The following HECW1 variants were observed in gnomAD, a reference collection of about 807,000 sequenced individuals.
HECW1 encodes E3 ubiquitin-protein ligase HECW1.
A neutral mutation model predicts 182.3 loss-of-function variants in HECW1; 61 were observed. That is an observed-to-expected ratio of 0.33 (90% CI 0.27 to 0.41). The LOEUF (loss-of-function observed/expected upper bound fraction) is 0.41, where lower values mean the gene tolerates loss of function less well. HECW1 is among the 10% of genes least tolerant of loss of function. The pLI is 1.00. For missense variants in HECW1, 1,739 were observed against 2,108.9 expected (o/e 0.82, Z 3.44); for synonymous variants, 859 against 832.6 (o/e 1.03, Z -0.55).
chr7:43,367,278 G>A (rs747757816), intron 6 of HECW1, among the ~76,000 whole-genome samples: 44 of 152,252 alleles, frequency 2.9e-4, no homozygotes, highest in Non-Finnish European at 6.0e-4. Context: ...ATTACATCCA[G>A]AATTTATTTT....
chr7:43,375,983 T>C (rs1221543982), intron 6 of HECW1, among the ~76,000 whole-genome samples: 1 of 150,200 alleles, frequency 6.7e-6, no homozygotes, highest in Admixed American at 6.7e-5. Flanking sequence ...GTATAATTAC[T>C]GGTTGAGGTG....
At chr7:43,183,285 C>T (rs1459966890) in intron 2 of HECW1, among the ~76,000 whole-genome samples, 1 of 152,176 alleles carries the variant, frequency 6.6e-6, no homozygotes, top group Non-Finnish European at 1.5e-5. Context: ...GTCTCACTTC[C>T]CTGTCGACCT....
chr7:43,541,280 A>G lies in HECW1; in HGVS notation c.4118+19A>G. On this transcript the variant is annotated intron_variant, in intron 25 of 29. Coordinates refer to ENST00000395891, the MANE Select transcript of HECW1 (RefSeq NM_015052.5). ...TGAGACTGTAAGTGCTTTGCAGACC[A>G]TGCTTCCAACCCAGCCCTGTCTGCA... The G allele has an allele frequency of 6.3e-7, 1 of 1,586,710 alleles. No individual in the cohort carries two copies. Among genetic ancestry groups the G allele is most frequent in the Non-Finnish European group, 8.7e-7 (1 of 1,155,050 alleles).
At position 43,432,832 on chromosome 7, in the gene HECW1, A is replaced by C. The variant is rs190730969; in HGVS notation, c.802-5171A>C. Among the ~76,000 whole-genome samples, 24 of 152,356 alleles carry C rather than the reference A, an allele frequency of 1.6e-4. No individual in the cohort carries two copies. Among genetic ancestry groups the C allele is most frequent in the Admixed American group, 1.4e-3 (21 of 15,306 alleles). On this transcript the variant is annotated intron_variant, in intron 8 of 29. Coordinates refer to ENST00000395891, the MANE Select transcript of HECW1 (RefSeq NM_015052.5). This position sits in a 1 kb window ranked among gnomAD's most constrained non-coding sequence, Gnocchi z 4.1. ...ACCCTGTTTTAATTTCATTAAGTTC[A>C]ATTTATAAAAGTTCTGTTTAGAGGC...
chr7:43,269,293 A>G (rs1220172066), intron 3 of HECW1, among the ~76,000 whole-genome samples: 5 of 152,188 alleles, frequency 3.3e-5, no homozygotes, highest in Non-Finnish European at 4.4e-5. Context: ...CCATGCTCCT[A>G]TTGGCCACAG....
intron 26 of HECW1, among the ~76,000 whole-genome samples, chr7:43,548,292 G>A (rs1216390401): frequency 1.3e-5 from 2 of 151,534 alleles, no homozygotes; most frequent in African/African-American, 4.9e-5. Flanking sequence ...TAGGTATGCA[G>A]GTCATCTGCG....
At chr7:43,427,556 C>T (rs1262447450) in intron 8 of HECW1, among the ~76,000 whole-genome samples, 5 of 152,178 alleles carry the variant, frequency 3.3e-5, no homozygotes, top group Admixed American at 2.0e-4. Flanking sequence ...TAGACTACTG[C>T]GTTAGGTTTC....
chr7:43,432,880 A>T lies in HECW1; in HGVS notation c.802-5123A>T, dbSNP rs1286520985. On this transcript the variant is annotated intron_variant, in intron 8 of 29. Coordinates refer to ENST00000395891, the MANE Select transcript of HECW1 (RefSeq NM_015052.5). The surrounding 1 kb of genome is among the most constrained non-coding windows in gnomAD (Gnocchi z 4.1). ...GGCGATCTACCTCAGATCTTTTCTG[A>T]AGCAAGATGGAATATAATAAGCATC... is the stretch of plus-strand genomic sequence containing the variant. 6.6e-6 allele frequency among the ~76,000 whole-genome samples: 1 copy of T among 152,218 alleles called. No individual in the cohort carries two copies. The highest frequency in any genetic ancestry group is 6.5e-5 in the Admixed American group (1 of 15,290).
intron 16 of HECW1, among the ~76,000 whole-genome samples, chr7:43,470,870 A>G (rs954868924): frequency 6.6e-6 from 1 of 152,208 alleles, no homozygotes; most frequent in African/African-American, 2.4e-5. Flanking sequence ...GTAGCCTTAG[A>G]CTTGCAATGT....
rs1394697470 is a variant in HECW1, at chr7:43,185,233, A to G, written c.-31-58642A>G. 7.2e-5 allele frequency among the ~76,000 whole-genome samples: 11 copies of G among 152,222 alleles called. No homozygotes were observed. In the South Asian group the frequency reaches 2.3e-3, roughly 32 times the overall value. On this transcript the variant is annotated intron_variant, in intron 2 of 29. Transcript: ENST00000395891. ...GGTAGCACACCTAGAGAGGGCATGG[A>G]AAGTCCACTCCCCATGCCCCAGAGC... is the stretch of plus-strand genomic sequence containing the variant.
chr7:43,169,099 G>A (rs752083490), intron 2 of HECW1, among the ~76,000 whole-genome samples: 33 of 152,018 alleles, frequency 2.2e-4, no homozygotes, highest in Admixed American at 4.6e-4. Flanking sequence ...GAAATCAAAT[G>A]CTCTCCCTCA....
intron 17 of HECW1, among the ~76,000 whole-genome samples, chr7:43,491,420 C>T (rs1208678605): frequency 6.6e-6 from 1 of 152,146 alleles, no homozygotes; most frequent in Non-Finnish European, 1.5e-5. Flanking sequence ...GTAATCAATA[C>T]TATTTAAACA....
At chr7:43,273,392 A>C (rs946223029) in intron 3 of HECW1, among the ~76,000 whole-genome samples, 4 of 152,236 alleles carry the variant, frequency 2.6e-5, no homozygotes, top group African/African-American at 9.6e-5. Context: ...ATGACAGATT[A>C]GTGGAACTAT....
chr7:43,391,470 A>T (rs918571629), intron 6 of HECW1, among the ~76,000 whole-genome samples: 1 of 152,198 alleles, frequency 6.6e-6, no homozygotes, highest in Non-Finnish European at 1.5e-5. Context: ...AGTGAATGAT[A>T]CCTAATTCTT....
intron 2 of HECW1, among the ~76,000 whole-genome samples, chr7:43,189,948 G>T (rs1793746274): frequency 6.6e-6 from 1 of 152,164 alleles, no homozygotes; most frequent in Non-Finnish European, 1.5e-5. Flanking sequence ...TTTCTAAGAA[G>T]GGGAAGGTTA....
intron 24 of HECW1, among the ~76,000 whole-genome samples, chr7:43,514,556 T>C (rs1391943491): frequency 1.3e-5 from 2 of 152,204 alleles, no homozygotes; most frequent in East Asian, 3.9e-4. Context: ...CCCAAAGTGC[T>C]GGGATTACAG....
intron 8 of HECW1, among the ~76,000 whole-genome samples, chr7:43,420,884 T>G (rs959351380): frequency 5.3e-5 from 8 of 152,182 alleles, no homozygotes; most frequent in African/African-American, 1.9e-4. Flanking sequence ...GATCTGTGGT[T>G]TCAGCGATAT....
intron 6 of HECW1, among the ~76,000 whole-genome samples, chr7:43,364,689 C>T (rs749385067): frequency 3.9e-4 from 60 of 152,224 alleles, no homozygotes; most frequent in Non-Finnish European, 7.8e-4. Flanking sequence ...TCAGGCCTGG[C>T]AGGGAAGGAG....
chr7:43,342,353 T>C (rs1307569504), intron 5 of HECW1, among the ~76,000 whole-genome samples: 3 of 151,862 alleles, frequency 2.0e-5, no homozygotes, highest in African/African-American at 7.3e-5. Flanking sequence ...TGCTTATTTC[T>C]TAAAATCCAT....
Sources: gnomAD v4.1 joint callset for allele counts (sites outside exome capture counted in the v4.1 genomes callset) on GRCh38, gnomAD v4.1.1 for gene constraint, Gnocchi (gnomAD v3.1) non-coding constraint, MANE v1.5 for transcripts, NCBI Gene and HGNC (gene_info 2026-07-23, HGNC 2026-07-21) for gene names.